The following JPH2 variants were observed in gnomAD, a reference collection of about 807,000 sequenced individuals.
The protein encoded by JPH2 is junctophilin 2, also known as junctophilin-2.
A neutral mutation model predicts 55.9 loss-of-function variants in JPH2; 38 were observed. That is an observed-to-expected ratio of 0.68 (90% CI 0.52 to 0.89). The LOEUF (loss-of-function observed/expected upper bound fraction) is 0.89. Among genes scored for constraint, JPH2 ranks in the 40% least tolerant of loss-of-function variants. JPH2 has a pLI of 0.00. For synonymous variants in JPH2, 480 were observed against 472.4 expected (o/e 1.02, Z -0.21); for missense variants, 964 against 1,037.6 (o/e 0.93, Z 0.97).
Position 44,167,545 on chromosome 20 carries a change from A to G in JPH2, c.380-7138T>C, listed in dbSNP as rs140648639. ...TTCAAGCCCTGGGAGTTATTGGTGT[A>G]CATGTAAAATGCTGGTGAAGGCCAT... On this transcript the variant is annotated intron_variant, in intron 1 of 5. Coordinates refer to ENST00000372980, the MANE Select transcript of JPH2 (RefSeq NM_020433.5). Among the ~76,000 whole-genome samples the G allele has an allele frequency of 3.0e-3, 454 of 152,270 alleles. 3 individuals carry two copies. Among genetic ancestry groups the G allele is most frequent in the Admixed American group, 5.4e-3 (82 of 15,290 alleles).
At chr20:44,173,927 A>G (rs185705079) in intron 1 of JPH2, among the ~76,000 whole-genome samples, 10 of 152,254 alleles carry the variant, frequency 6.6e-5, no homozygotes, top group Admixed American at 6.5e-4. Flanking sequence ...CAAACAAACA[A>G]ACAAACAATT....
At chr20:44,135,595 C>A (rs1395361515) in intron 2 of JPH2, among the ~76,000 whole-genome samples, 1 of 152,200 alleles carries the variant, frequency 6.6e-6, no homozygotes, top group Non-Finnish European at 1.5e-5. Flanking sequence ...GTGAGTCCCA[C>A]AAGGGGCAGA....
intron 2 of JPH2, among the ~76,000 whole-genome samples, chr20:44,137,453 A>G (rs990579463): frequency 6.6e-6 from 1 of 152,044 alleles, no homozygotes; most frequent in African/African-American, 2.4e-5. Flanking sequence ...AGCTTTTCCC[A>G]GAGCAGATCC....
At chr20:44,175,278 C>A (rs1428399112) in intron 1 of JPH2, among the ~76,000 whole-genome samples, 1 of 152,196 alleles carries the variant, frequency 6.6e-6, no homozygotes, top group Admixed American at 6.5e-5. Context: ...TGCCAAATGG[C>A]TTTTGTTCAC....
intron 2 of JPH2, among the ~76,000 whole-genome samples, chr20:44,126,445 T>C (rs2072278017): frequency 1.3e-5 from 2 of 152,086 alleles, no homozygotes; most frequent in Admixed American, 6.5e-5. Context: ...AGCGTCTTCC[T>C]GAGGTGGGGA....
intron 1 of JPH2, among the ~76,000 whole-genome samples, chr20:44,176,318 C>CTTTTT (rs58088590): frequency 1.1e-4 from 12 of 113,646 alleles, no homozygotes; most frequent in East Asian, 5.9e-4. Context: ...TCCTATCTGT[C>CTTTTT]TTTTTTTTTT....
At chr20:44,154,872 A>G (rs2057029) in intron 2 of JPH2, among the ~76,000 whole-genome samples, 42,952 of 152,102 alleles carry the variant, frequency 0.28, 6,182 homozygotes, top group Admixed American at 0.35. Flanking sequence ...CAACATCTCC[A>G]TGGGCACGCA....
In JPH2 at chr20:44,125,554, G is replaced by A. The variant is rs776971904; in HGVS notation, c.1170-6931C>T. Reference sequence around the variant, plus strand: ...CTGGTACCACTTCTGAGCCAGGTCCGTCATGTGCTGGGGCCAAGGATGGAA... The same window carrying A: ...CTGGTACCACTTCTGAGCCAGGTCCATCATGTGCTGGGGCCAAGGATGGAA... On this transcript the variant is annotated intron_variant, in intron 2 of 5. Coordinates refer to ENST00000372980, the MANE Select transcript of JPH2 (RefSeq NM_020433.5). 6.6e-5 allele frequency among the ~76,000 whole-genome samples: 10 copies of A among 152,328 alleles called. No individual in the cohort carries two copies. In the East Asian group the frequency reaches 7.7e-4, roughly 12 times the overall value.
At chr20:44,123,160 C>T (rs2072250087) in intron 2 of JPH2, among the ~76,000 whole-genome samples, 1 of 152,156 alleles carries the variant, frequency 6.6e-6, no homozygotes. Context: ...TGTCCATCTC[C>T]AACCACCCGG....
rs1440008517 is a variant in JPH2, at chr20:44,134,848, T to C, written c.1170-16225A>G. On this transcript the variant is annotated intron_variant, in intron 2 of 5. Coordinates refer to ENST00000372980, the MANE Select transcript of JPH2 (RefSeq NM_020433.5). ...ATAAATATACATAAATATATGTTTA[T>C]TATAAATATATATATAAATATATAT... is the stretch of plus-strand genomic sequence containing the variant. Among the ~76,000 whole-genome samples the C allele has an allele frequency of 2.1e-3, 208 of 98,606 alleles. 4 individuals are homozygous for C. The highest frequency in any genetic ancestry group is 3.2e-3 in the Non-Finnish European group (176 of 55,154). The allele number at this position is 98,606 out of a possible 152,430, so 64.7% of individuals were successfully genotyped here.
In JPH2 at chr20:44,115,686, C is replaced by T. The variant is rs995204674; in HGVS notation, c.1989G>A (p.Glu663=). Residue 663 remains glutamate (E), a synonymous_variant, in exon 4 of 6, where the codon GAG becomes GAA. Coordinates refer to ENST00000372980, the MANE Select transcript of JPH2 (RefSeq NM_020433.5). Reference sequence around the variant, plus strand: ...TCACCTCTTCCACCTCCACCTCCGCCTCTGCCGCCAGTGCGGCCTCCTTCC... The same window carrying T: ...TCACCTCTTCCACCTCCACCTCCGCTTCTGCCGCCAGTGCGGCCTCCTTCC... The part of the protein sequence containing the change: ...KARKEAALAA[E]AEVEVEEVPN... The T allele has an allele frequency of 1.2e-6, 2 of 1,613,046 alleles. No homozygotes were observed. The highest frequency in any genetic ancestry group is 1.7e-5 in the Admixed American group (1 of 60,032).
Position 44,118,697 on chromosome 20 carries a change from C to CA in JPH2, c.1170-75dup, listed in dbSNP as rs2072212642. The stretch of plus-strand genomic sequence containing the variant: ...CCTTCTGCCCCTTCTCCCCAACCCA[C>CA]AAAGAGACATGCTAAACACAGCATT... On this transcript the variant is annotated intron_variant, in intron 2 of 5. Coordinates refer to ENST00000372980, the MANE Select transcript of JPH2 (RefSeq NM_020433.5). The CA allele has an allele frequency of 2.1e-5, 25 of 1,167,518 alleles. No homozygotes were observed. The South Asian group carries it at 2.9e-4, about 14-fold the overall frequency. The allele number at this position is 1,167,518 out of a possible 1,614,324, so 72.3% of individuals were successfully genotyped here. A position where few individuals can be genotyped will look rare whatever the true frequency, so the allele number is the denominator to read the frequency against.
rs1410165338 is a variant in JPH2 at position 44,186,602 on chromosome 20, T to C, written c.104A>G (p.Gln35Arg). The C allele has an allele frequency of 2.5e-6, 4 of 1,613,626 alleles. No homozygotes were observed. Among genetic ancestry groups the C allele is most frequent in the Non-Finnish European group, 3.4e-6 (4 of 1,180,016 alleles). Residue 35 changes from glutamine to arginine, a missense_variant, in exon 1 of 6, where the codon CAG becomes CGG. Coordinates refer to ENST00000372980, the MANE Select transcript of JPH2 (RefSeq NM_020433.5). ...GTTCCAGGAGCCAGAGTATTCGCCC[T>C]GGCCCTTGGGGCCTGTGCACAGTCC... is the stretch of plus-strand genomic sequence containing the variant. ...GHGLCTGPKG[Q>R]GEYSGSWNFG...
Position 44,186,580 on chromosome 20 carries a change from C to T in JPH2, c.126G>A (p.Trp42Ter). The T allele has an allele frequency of 6.2e-7, 1 of 1,613,772 alleles. No individual in the cohort carries two copies. The highest frequency in any genetic ancestry group is 2.2e-5 in the East Asian group (1 of 44,872). The change falls in exon 1 of 6, where the codon TGG (tryptophan) becomes TGA (stop). Residue 42 changes from tryptophan (W) to a stop codon, truncating the protein, a stop_gained. Coordinates refer to ENST00000372980, the MANE Select transcript of JPH2 (RefSeq NM_020433.5). LOFTEE classifies it high-confidence loss of function. ...PKGQGEYSGS[W>*]NFGFEVAGVY... Reference sequence around the variant, plus strand: ...CACCTGCCACCTCAAAGCCAAAGTTCCAGGAGCCAGAGTATTCGCCCTGGC... The same window carrying T: ...CACCTGCCACCTCAAAGCCAAAGTTTCAGGAGCCAGAGTATTCGCCCTGGC...
intron 2 of JPH2, among the ~76,000 whole-genome samples, chr20:44,120,609 G>A (rs1245640714): frequency 6.6e-6 from 1 of 152,124 alleles, no homozygotes; most frequent in Non-Finnish European, 1.5e-5. Flanking sequence ...CAGGAACTGG[G>A]ATTTTGAACC....
Position 44,159,504 on chromosome 20 carries a change from T to C in JPH2, c.1169+114A>G, listed in dbSNP as rs991113457. On this transcript the variant is annotated intron_variant, in intron 2 of 5. Coordinates refer to ENST00000372980, the MANE Select transcript of JPH2 (RefSeq NM_020433.5). This position sits in a 1 kb window ranked among gnomAD's most constrained non-coding sequence, Gnocchi z 5.7. The stretch of plus-strand genomic sequence containing the variant: ...GCCTCCAATTAACCCCTGAAGGTGA[T>C]GGGGGTAAAAGAAGCAGAATCAGGC... The C allele has an allele frequency of 8.2e-6, 9 of 1,097,384 alleles. No homozygotes were observed. Among genetic ancestry groups the C allele is most frequent in the South Asian group, 6.9e-5 (5 of 72,556 alleles). 68.0% of individuals were successfully genotyped at this position (1,097,384 alleles called of 1,614,324 possible).
intron 2 of JPH2, among the ~76,000 whole-genome samples, chr20:44,139,904 C>A (rs1038118812): frequency 3.9e-5 from 6 of 152,112 alleles, no homozygotes; most frequent in African/African-American, 7.2e-5. Flanking sequence ...CAGAGTCTCA[C>A]TCTGTCACCC....
intron 1 of JPH2, 113 bp downstream of exon 1, chr20:44,186,214 T>G (rs2072838741): frequency 2.4e-6 from 3 of 1,246,886 alleles, no homozygotes; most frequent in Admixed American, 3.9e-5. Flanking sequence ...AGCAAATCAC[T>G]TCCTAGCCCA....
intron 2 of JPH2, among the ~76,000 whole-genome samples, chr20:44,127,380 C>T (rs1017614916): frequency 2.0e-5 from 3 of 152,066 alleles, no homozygotes; most frequent in Non-Finnish European, 4.4e-5. Flanking sequence ...GAGGATCTGC[C>T]AAACTGGTCT....
Sources: gnomAD v4.1 joint callset for allele counts (sites outside exome capture counted in the v4.1 genomes callset) on GRCh38, gnomAD v4.1.1 for gene constraint, Gnocchi (gnomAD v3.1) non-coding constraint, MANE v1.5 for transcripts, NCBI Gene and HGNC (gene_info 2026-07-23, HGNC 2026-07-21) for gene names.